Variants in NALCN observed in about 807,000 individuals in gnomAD.
The protein encoded by NALCN is sodium leak channel NALCN.
Under a neutral mutation model 225.3 loss-of-function variants are expected in NALCN, and 111 were observed. The ratio of observed to expected loss-of-function variants is 0.49; its 90% CI spans 0.42 to 0.58. The LOEUF (loss-of-function observed/expected upper bound fraction) is 0.58. NALCN is among the 20% of genes least tolerant of loss of function. NALCN has a pLI of 0.00. For synonymous variants in NALCN, 764 were observed against 769.0 expected, an observed-to-expected ratio of 0.99 and a Z score of 0.11; for missense variants, 1,378 against 2,202.4, an observed-to-expected ratio of 0.63 and a Z score of 7.49.
At chr13:101,375,511 A>C (rs1224550099) in intron 6 of NALCN, among the ~76,000 whole-genome samples, 2 of 152,178 alleles carry the variant, frequency 1.3e-5, no homozygotes, top group Non-Finnish European at 2.9e-5. Context: ...AGAAAACACA[A>C]CATAACCCTT....
chr13:101,059,866 G>A lies in NALCN; in HGVS notation c.4857C>T (p.Pro1619=), dbSNP rs986498426. Residue 1619 remains proline, a synonymous_variant, in exon 42 of 44, where the codon CCC becomes CCT. Transcript: ENST00000251127. The stretch of plus-strand genomic sequence containing the variant: ...GACTGTTGGCATTCGTGTCCTCACT[G>A]GGCTGGGTGGTCTCGATGCTGGGCG... ...LNPPSIETTQ[P]SEDTNANSQD... The A allele has an allele frequency of 6.2e-7, 1 of 1,614,002 alleles. No homozygotes were observed. The highest frequency in any genetic ancestry group is 8.5e-7 in the Non-Finnish European group (1 of 1,179,998).
At chr13:101,228,556 G>C (rs2041234427) in intron 13 of NALCN, among the ~76,000 whole-genome samples, 1 of 152,046 alleles carries the variant, frequency 6.6e-6, no homozygotes. Context: ...CTTTAGCTTG[G>C]CTCTCATTCT....
chr13:101,079,696 C>T (rs1441284384), intron 34 of NALCN, among the ~76,000 whole-genome samples: 2 of 152,184 alleles, frequency 1.3e-5, no homozygotes, highest in Non-Finnish European at 2.9e-5. Flanking sequence ...ATTTGTTTTG[C>T]TTATTACATT....
At chr13:101,175,898 T>C (rs2038938918) in intron 15 of NALCN, among the ~76,000 whole-genome samples, 1 of 152,210 alleles carries the variant, frequency 6.6e-6, no homozygotes, top group African/African-American at 2.4e-5. Flanking sequence ...AATTGTCCTT[T>C]AGTGTCTAGA....
At chr13:101,205,077 C>T (rs1230712410) in intron 13 of NALCN, among the ~76,000 whole-genome samples, 2 of 152,072 alleles carry the variant, frequency 1.3e-5, no homozygotes, top group African/African-American at 4.8e-5. Flanking sequence ...TCCTTCTGTG[C>T]TCTTGGGTGT....
At chr13:101,249,417 T>C (rs1006283525) in intron 11 of NALCN, among the ~76,000 whole-genome samples, 2 of 152,188 alleles carry the variant, frequency 1.3e-5, no homozygotes, top group African/African-American at 2.4e-5. Context: ...AATATGTCTA[T>C]TCCATTTGTG....
At chr13:101,306,223 A>T (rs973862828) in intron 7 of NALCN, among the ~76,000 whole-genome samples, 1 of 152,138 alleles carries the variant, frequency 6.6e-6, no homozygotes, top group Non-Finnish European at 1.5e-5. Context: ...CCAGGCCCTC[A>T]TTGCCAGACT....
chr13:101,372,345 T>C (rs2046563751), intron 6 of NALCN, among the ~76,000 whole-genome samples: 1 of 152,166 alleles, frequency 6.6e-6, no homozygotes, highest in Non-Finnish European at 1.5e-5. Flanking sequence ...TCAGCCAACT[T>C]GACTTTGGTG....
chr13:101,101,280 TC>T (rs1566813173), intron 26 of NALCN, among the ~76,000 whole-genome samples: 6 of 109,846 alleles, frequency 5.5e-5, no homozygotes, highest in African/African-American at 1.9e-4. Flanking sequence ...TATTTTTTTT[TC>T]TTTTTTTTTT....
At chr13:101,205,507 G>T (rs993840015) in intron 13 of NALCN, among the ~76,000 whole-genome samples, 11 of 152,042 alleles carry the variant, frequency 7.2e-5, no homozygotes, top group African/African-American at 2.4e-4. Context: ...TGCAGAGCAT[G>T]GTATTTTTAG....
intron 1 of NALCN, among the ~76,000 whole-genome samples, chr13:101,413,917 C>G (rs967214330): frequency 1.3e-5 from 2 of 152,044 alleles, no homozygotes; most frequent in African/African-American, 4.8e-5. Flanking sequence ...TCACTCTGTG[C>G]CCAGTCGCCC....
At chr13:101,221,526 C>G (rs2140109205) in intron 13 of NALCN, among the ~76,000 whole-genome samples, 1 of 152,290 alleles carries the variant, frequency 6.6e-6, no homozygotes, top group South Asian at 2.1e-4. Flanking sequence ...GGACTGTCCT[C>G]CCCTGGGGGT....
At chr13:101,301,102 A>G (rs1452077262) in intron 7 of NALCN, among the ~76,000 whole-genome samples, 1 of 152,254 alleles carries the variant, frequency 6.6e-6, no homozygotes, top group East Asian at 1.9e-4. Context: ...AGTTCTGAAC[A>G]GAGAATACTT....
chr13:101,263,742 T>C (rs1486250111), intron 10 of NALCN, among the ~76,000 whole-genome samples: 4 of 152,222 alleles, frequency 2.6e-5, no homozygotes, highest in Admixed American at 2.6e-4. Context: ...ATAATCACCA[T>C]TGCTTAGCTG....
At chr13:101,070,127 T>G (rs1436612068) in intron 37 of NALCN, among the ~76,000 whole-genome samples, 1 of 136,234 alleles carries the variant, frequency 7.3e-6, no homozygotes, top group African/African-American at 2.7e-5. Flanking sequence ...AGTGCAGTGG[T>G]GCAATCTCCG....
intron 7 of NALCN, among the ~76,000 whole-genome samples, chr13:101,302,671 A>C (rs1040563701): frequency 3.3e-5 from 5 of 152,192 alleles, no homozygotes; most frequent in Admixed American, 3.3e-4. Context: ...ATTTGTAATA[A>C]TATTACAACT....
At chr13:101,282,833 A>G (rs1296407274) in intron 10 of NALCN, among the ~76,000 whole-genome samples, 1 of 152,168 alleles carries the variant, frequency 6.6e-6, no homozygotes, top group African/African-American at 2.4e-5. Flanking sequence ...AAAAGAAGTA[A>G]ATAACTCTAT....
chr13:101,397,121 CAT>C (rs10679116), intron 2 of NALCN, among the ~76,000 whole-genome samples: 2 of 108,986 alleles, frequency 1.8e-5, no homozygotes, highest in East Asian at 2.4e-4. Flanking sequence ...CATACACATA[CAT>C]ATATATAATG....
chr13:101,295,743 T>C lies in NALCN; in HGVS notation c.800-3377A>G, dbSNP rs535144862. On this transcript the variant is annotated intron_variant, in intron 7 of 43. Transcript: ENST00000251127. ...GATGGAAAGAAATGTTTCCCATACG[T>C]GAACTACACTGGGTAGAAAGGCTGT... 7.9e-5 allele frequency among the ~76,000 whole-genome samples: 12 copies of C among 152,204 alleles called. No individual in the cohort carries two copies. The South Asian group carries it at 2.1e-3, about 26-fold the overall frequency.
Sources: gnomAD v4.1 joint callset for allele counts (sites outside exome capture counted in the v4.1 genomes callset) on GRCh38, gnomAD v4.1.1 for gene constraint, MANE v1.5 for transcripts, NCBI Gene and HGNC (gene_info 2026-07-23, HGNC 2026-07-21) for gene names.